Variants in ZHX1 observed in about 807,000 individuals in gnomAD.
ZHX1 encodes zinc fingers and homeoboxes protein 1.
ZHX1 carries 20 observed loss-of-function variants against 61.8 expected under a neutral mutation model. The ratio of observed to expected loss-of-function variants is 0.32; its 90% CI spans 0.23 to 0.47. The LOEUF (loss-of-function observed/expected upper bound fraction) is 0.47, where lower values mean the gene tolerates loss of function less well. Among genes scored for constraint, ZHX1 ranks in the 20% least tolerant of loss-of-function variants. ZHX1 has a pLI of 1.00. For missense variants in ZHX1, 800 were observed against 1,034.8 expected (o/e 0.77, Z 3.11); for synonymous variants, 318 against 352.6 (o/e 0.90, Z 1.10).
At chr8:123,271,505 A>T (rs1826652843) in intron 1 of ZHX1, among the ~76,000 whole-genome samples, 1 of 152,170 alleles carries the variant, frequency 6.6e-6, no homozygotes, top group South Asian at 2.1e-4. Context: ...CAATGCTGCA[A>T]CACAAATAAA....
At position 123,255,520 on chromosome 8, in the gene ZHX1, T is replaced by C. The variant is rs756726390; in HGVS notation, c.427A>G (p.Ile143Val). The C allele has an allele frequency of 2.2e-5, 36 of 1,613,464 alleles. No individual in the cohort carries two copies. Among genetic ancestry groups the C allele is most frequent in the African/African-American group, 2.7e-5 (2 of 74,928 alleles). Residue 143 changes from isoleucine to valine, a missense_variant, in exon 3 of 4, where the codon ATC (isoleucine) becomes GTC (valine). Physicochemically the swap from Ile to Val is conservative, Grantham distance 29 (BLOSUM62 3). Coordinates refer to ENST00000395571, the MANE Select transcript of ZHX1 (RefSeq NM_007222.5). ...AGATCATTTATTGTTTGTTCAAAGA[T>C]TGTCTGGTTATTACGTTTCACCATA... ...LTMVKRNNQTIFEQTINDLTF... is the reference protein window; with the variant it reads ...LTMVKRNNQTVFEQTINDLTF...
In ZHX1 at chr8:123,255,446, T is replaced by C. The variant is rs1482441273; in HGVS notation, c.501A>G (p.Glu167=). The C allele has an allele frequency of 5.6e-6, 9 of 1,613,364 alleles. No individual in the cohort carries two copies. The highest frequency in any genetic ancestry group is 6.8e-6 in the Non-Finnish European group (8 of 1,180,016). The change falls in exon 3 of 4, where the codon GAA becomes GAG. Residue 167 remains glutamate (E), a synonymous_variant. Transcript: ENST00000395571. ...TTCCCGAAGAAGAAACTTCTGTAGA[T>C]TCTGCTTGCTCTGCATTCTCCTCTT... ...FVKEENAEQA[E]STEVSSSGIS...
chr8:123,258,882 G>T (rs1325889148), intron 2 of ZHX1, among the ~76,000 whole-genome samples: 1 of 152,170 alleles, frequency 6.6e-6, no homozygotes, highest in Non-Finnish European at 1.5e-5. Context: ...AAATGGGTAA[G>T]TGATTTCATT....
chr8:123,256,046 A>G lies in ZHX1; in HGVS notation c.-100T>C. On this transcript the variant is annotated 5_prime_UTR_variant, in exon 3 of 4. Transcript: ENST00000395571. Reference sequence around the variant, plus strand: ...GAAAACAATGGCTTTTGGTTCTTCAAGTCCATTTTTGTGCTCAACAAGTCT... The same window carrying G: ...GAAAACAATGGCTTTTGGTTCTTCAGGTCCATTTTTGTGCTCAACAAGTCT... The G allele has an allele frequency of 1.7e-6, 2 of 1,190,266 alleles. No individual in the cohort carries two copies. The highest frequency in any genetic ancestry group is 2.3e-6 in the Non-Finnish European group (2 of 862,184). 73.7% of individuals were successfully genotyped at this position (1,190,266 alleles called of 1,614,324 possible).
upstream of ZHX1, among the ~76,000 whole-genome samples, chr8:123,275,027 A>C (rs1340345322): frequency 6.6e-6 from 1 of 152,088 alleles, no homozygotes; most frequent in African/African-American, 2.4e-5. Context: ...CGCGGGCCGC[A>C]GCTCCACCCG....
chr8:123,270,348 A>G (rs146278753), intron 1 of ZHX1, among the ~76,000 whole-genome samples: 63 of 152,278 alleles, frequency 4.1e-4, no homozygotes, highest in African/African-American at 1.3e-3. Flanking sequence ...AATCACCAAA[A>G]TTTAATGAAA....
chr8:123,254,989 GA>G lies in ZHX1; in HGVS notation c.957del (p.Gln320LysfsTer18). On this transcript the variant is annotated frameshift_variant, in exon 3 of 4. Transcript: ENST00000395571. LOFTEE classifies it high-confidence loss of function. The surrounding 1 kb of genome is among the most constrained non-coding windows in gnomAD (Gnocchi z 4.1). The stretch of plus-strand genomic sequence containing the variant: ...ATCTGTTCCTCTGTATATTTTGCTT[GA>G]GCAGAAAGAACTGTAATTTCTGACA... ...PTMSEITVLS[A>X]QAKYTEEQIK... 1 of 1,614,136 alleles carries G rather than the reference GA, an allele frequency of 6.2e-7. No homozygotes were observed. Among genetic ancestry groups the G allele is most frequent in the Non-Finnish European group, 8.5e-7 (1 of 1,180,014 alleles).
At chr8:123,268,381 T>A (rs759182434) in intron 1 of ZHX1, among the ~76,000 whole-genome samples, 1 of 152,236 alleles carries the variant, frequency 6.6e-6, no homozygotes, top group Non-Finnish European at 1.5e-5. Flanking sequence ...AAATATGTTG[T>A]TGTATATAAT....
At chr8:123,265,904 T>C (rs1826440322) in intron 2 of ZHX1, among the ~76,000 whole-genome samples, 1 of 152,202 alleles carries the variant, frequency 6.6e-6, no homozygotes, top group African/African-American at 2.4e-5. Flanking sequence ...AGAAACCCTA[T>C]CCTCTCTATC....
intron 3 of ZHX1, among the ~76,000 whole-genome samples, chr8:123,250,934 G>A (rs1216445253): frequency 6.6e-6 from 1 of 152,162 alleles, no homozygotes; most frequent in Non-Finnish European, 1.5e-5. Flanking sequence ...ACCTTGAATT[G>A]TAATTATTAA....
intron 1 of ZHX1, among the ~76,000 whole-genome samples, chr8:123,271,649 T>C (rs1420453218): frequency 1.3e-5 from 2 of 152,142 alleles, no homozygotes; most frequent in African/African-American, 4.8e-5. Flanking sequence ...ATAAGAAATA[T>C]AATACATCAT....
Position 123,269,353 on chromosome 8 carries a change from C to G in ZHX1, c.-339-1967G>C, listed in dbSNP as rs1159688237. 3.3e-5 allele frequency among the ~76,000 whole-genome samples: 5 copies of G among 152,176 alleles called. No individual in the cohort carries two copies. The East Asian group carries it at 9.6e-4, about 29-fold the overall frequency. On this transcript the variant is annotated intron_variant, in intron 1 of 3. Coordinates refer to ENST00000395571, the MANE Select transcript of ZHX1 (RefSeq NM_007222.5). ...ACCAGAGGAGCAAAAATGAGCTCAT[C>G]AGTGCTTTTGAATGAAAATCCTAGT...
rs1825843109 is a variant in ZHX1, at chr8:123,248,867, G to A, written c.*1457C>T. The stretch of plus-strand genomic sequence containing the variant: ...TTTACATTGCTTCTTTTTTAAAAAA[G>A]TTAACAGTAGTATGAAAAAAGCCAC... On this transcript the variant is annotated 3_prime_UTR_variant, in exon 4 of 4. Coordinates refer to ENST00000395571, the MANE Select transcript of ZHX1 (RefSeq NM_007222.5). 6.6e-6 allele frequency: 1 copy of A among 151,666 alleles called. No homozygotes were observed. The highest frequency in any genetic ancestry group is 2.1e-4 in the South Asian group (1 of 4,800). 9.4% of individuals were successfully genotyped at this position (151,666 alleles called of 1,614,324 possible).
intron 2 of ZHX1, 40 bp downstream of exon 2, chr8:123,267,215 CTAAAGTGAGTACATTCAG>C: frequency 6.7e-7 from 1 of 1,483,690 alleles, no homozygotes; most frequent in Non-Finnish European, 9.1e-7. Flanking sequence ...ATCATGGGAT[CTAAAGTGAGTACATTCAG>C]TATCTGAGTT....
At chr8:123,269,861 G>GT (rs1826587382) in intron 1 of ZHX1, among the ~76,000 whole-genome samples, 1 of 152,104 alleles carries the variant, frequency 6.6e-6, no homozygotes, top group Non-Finnish European at 1.5e-5. Context: ...AAGAATCTGG[G>GT]TAACAACCAA....
At position 123,249,835 on chromosome 8, in the gene ZHX1, G is replaced by GA. The variant is rs1825870180; in HGVS notation, c.*488_*489insT. 7.5e-6 allele frequency: 1 copy of GA among 132,482 alleles called. No individual in the cohort carries two copies. The highest frequency in any genetic ancestry group is 2.0e-4 in the East Asian group (1 of 5,006). The allele number at this position is 132,482 out of a possible 1,614,324, so 8.2% of individuals were successfully genotyped here. ...ATAAATAAGACATAGTAATAAATCA[G>GA]GGTTTTTTTTTTTTTTTTTTTTTTA... On this transcript the variant is annotated 3_prime_UTR_variant, in exon 4 of 4. Transcript: ENST00000395571.
At chr8:123,259,141 A>C (rs1826166763) in intron 2 of ZHX1, among the ~76,000 whole-genome samples, 1 of 152,224 alleles carries the variant, frequency 6.6e-6, no homozygotes, top group African/African-American at 2.4e-5. Flanking sequence ...AAGTAGCAGA[A>C]GGAAAATTGG....
At chr8:123,267,189 T>C (rs1826486129) in intron 2 of ZHX1, 84 bp downstream of exon 2, 1 of 1,323,838 alleles carries the variant, frequency 7.6e-7, no homozygotes, top group African/African-American at 1.5e-5. Context: ...TTTTAAAAAC[T>C]TTAGACAAAT....
At chr8:123,260,486 T>C (rs1416478073) in intron 2 of ZHX1, among the ~76,000 whole-genome samples, 1 of 150,118 alleles carries the variant, frequency 6.7e-6, no homozygotes, top group Non-Finnish European at 1.5e-5. Flanking sequence ...GTAATCCCGC[T>C]ACTCGGAAGG....
Sources: allele counts gnomAD v4.1 joint callset (sites outside exome capture counted in the v4.1 genomes callset), GRCh38; gene constraint gnomAD v4.1.1; non-coding constraint Gnocchi (gnomAD v3.1); transcripts MANE v1.5; gene names NCBI Gene and HGNC (gene_info 2026-07-23, HGNC 2026-07-21).